KCNJ12: variants seen among roughly 807,000 people sequenced by gnomAD.
KCNJ12 encodes the protein potassium inwardly rectifying channel subfamily J member 12.
Under a neutral mutation model 22.3 loss-of-function variants are expected in KCNJ12, and 2 were observed. The observed-to-expected ratio is 0.09, with a 90% CI of 0.04 to 0.28. The LOEUF (loss-of-function observed/expected upper bound fraction) is 0.28. KCNJ12 is among the 10% of genes least tolerant of loss of function. The pLI is 1.00. For synonymous variants in KCNJ12, 117 were observed against 261.4 expected (o/e 0.45, Z 5.33); for missense variants, 155 against 633.3 (o/e 0.24, Z 8.11).
At chr17:21,411,789 C>T (rs1906363334) in intron 2 of KCNJ12, among the ~76,000 whole-genome samples, 2 of 152,312 alleles carry the variant, frequency 1.3e-5, no homozygotes, top group Non-Finnish European at 2.9e-5. Flanking sequence ...CTGTGTGTCC[C>T]TGGTGGAGGA....
intron 2 of KCNJ12, among the ~76,000 whole-genome samples, chr17:21,409,945 G>A (rs60801692): frequency 6.6e-6 from 1 of 152,094 alleles, no homozygotes; most frequent in Non-Finnish European, 1.5e-5. Context: ...CTGGTGGGGA[G>A]GTTTGGCCTG....
At chr17:21,384,747 T>A (rs1416464534) in intron 1 of KCNJ12, among the ~76,000 whole-genome samples, 1 of 150,892 alleles carries the variant, frequency 6.6e-6, no homozygotes, top group East Asian at 1.9e-4. Context: ...TCACTTTGTT[T>A]TTTTTTTTGT....
intron 1 of KCNJ12, among the ~76,000 whole-genome samples, chr17:21,395,281 C>G (rs1224058670): frequency 9.1e-6 from 1 of 109,318 alleles, no homozygotes; most frequent in Non-Finnish European, 1.7e-5. Context: ...GGCGACACAG[C>G]AAGATCCTAA....
chr17:21,403,139 G>A, intron 1 of KCNJ12, among the ~76,000 whole-genome samples: 1 of 152,312 alleles, frequency 6.6e-6, no homozygotes, highest in Non-Finnish European at 1.5e-5. Flanking sequence ...GAGCTTGGAG[G>A]ATGCATTGCA....
At chr17:21,397,053 A>C (rs1156448249) in intron 1 of KCNJ12, among the ~76,000 whole-genome samples, 1 of 152,182 alleles carries the variant, frequency 6.6e-6, no homozygotes. Context: ...CATATGTGAA[A>C]CAGAGATCCT....
At chr17:21,407,793 A>G (rs1256494114) in intron 1 of KCNJ12, among the ~76,000 whole-genome samples, 4 of 1,374 alleles carry the variant, frequency 2.9e-3, no homozygotes, top group African/African-American at 7.0e-3. Context: ...CCTATTATCC[A>G]TTCATCCACT....
intron 1 of KCNJ12, among the ~76,000 whole-genome samples, chr17:21,388,887 A>C (rs1417929297): frequency 2.0e-5 from 3 of 152,110 alleles, no homozygotes; most frequent in Admixed American, 2.0e-4. Context: ...GAAGGTAGAG[A>C]CATCCTGGGC....
intron 1 of KCNJ12, among the ~76,000 whole-genome samples, chr17:21,396,780 G>C (rs1555559975): frequency 6.6e-6 from 1 of 152,244 alleles, no homozygotes; most frequent in African/African-American, 2.4e-5. Context: ...CCAGCATCCA[G>C]GGGTGGGGCT....
intron 1 of KCNJ12, among the ~76,000 whole-genome samples, chr17:21,392,217 C>T (rs547290327): frequency 2.0e-5 from 3 of 152,356 alleles, no homozygotes; most frequent in Admixed American, 2.0e-4. Context: ...CACAGCACCA[C>T]TGGACCACTG....
intron 1 of KCNJ12, among the ~76,000 whole-genome samples, chr17:21,394,966 T>C (rs1292501614): frequency 1.3e-5 from 2 of 152,180 alleles, no homozygotes; most frequent in African/African-American, 4.8e-5. Flanking sequence ...ATGGGATCCA[T>C]GGGCTGCTTC....
At chr17:21,399,517 A>G (rs1462239593) in intron 1 of KCNJ12, among the ~76,000 whole-genome samples, 1 of 152,176 alleles carries the variant, frequency 6.6e-6, no homozygotes, top group African/African-American at 2.4e-5. Flanking sequence ...TCAGTACAGC[A>G]CAGCAGGGGC....
intron 1 of KCNJ12, among the ~76,000 whole-genome samples, chr17:21,402,920 T>A (rs1905709970): frequency 6.6e-6 from 1 of 152,304 alleles, no homozygotes; most frequent in Non-Finnish European, 1.5e-5. Context: ...CAGCTCTGGC[T>A]CAGACTGGTG....
rs372716742 is a variant in KCNJ12 at position 21,398,551 on chromosome 17, G to A, written c.-178-9968G>A. On this transcript the variant is annotated intron_variant, in intron 1 of 2. Transcript: ENST00000583088. ...AGGCGTGTTCTATGCCCAGGAGGCT[G>A]GAGCCCAGGTATCCTCAGCGGTGAC... Among the ~76,000 whole-genome samples the A allele has an allele frequency of 3.9e-5, 6 of 152,320 alleles. No individual in the cohort carries two copies. The South Asian group carries it at 1.2e-3, about 32-fold the overall frequency.
At chr17:21,400,462 T>C (rs1276994938) in intron 1 of KCNJ12, among the ~76,000 whole-genome samples, 2 of 152,296 alleles carry the variant, frequency 1.3e-5, no homozygotes, top group African/African-American at 2.4e-5. Context: ...AATGTCTGTC[T>C]CCCCCGATCT....
chr17:21,402,735 C>T (rs1448538570), intron 1 of KCNJ12, among the ~76,000 whole-genome samples: 3 of 152,308 alleles, frequency 2.0e-5, no homozygotes, highest in African/African-American at 7.2e-5. Context: ...CTACAGAGAG[C>T]AGACAGGTTA....
chr17:21,405,696 C>T (rs1425875851), intron 1 of KCNJ12, among the ~76,000 whole-genome samples: 3 of 152,300 alleles, frequency 2.0e-5, no homozygotes, highest in Non-Finnish European at 4.4e-5. Context: ...ACTGCCCCTG[C>T]AGCCCACCTC....
intron 1 of KCNJ12, among the ~76,000 whole-genome samples, chr17:21,405,904 C>T (rs1347314984): frequency 6.6e-6 from 1 of 152,310 alleles, no homozygotes; most frequent in Non-Finnish European, 1.5e-5. Flanking sequence ...TCTCAGTACC[C>T]CTGTGTAGAA....
intron 1 of KCNJ12, among the ~76,000 whole-genome samples, chr17:21,382,174 C>T (rs1904891107): frequency 6.6e-6 from 1 of 152,232 alleles, no homozygotes; most frequent in Non-Finnish European, 1.5e-5. Flanking sequence ...ACCCTCACTG[C>T]TTCAAGCTCC....
In KCNJ12 at chr17:21,415,451, C is replaced by G. The variant is rs1567707526; in HGVS notation, c.109C>G (p.His37Asp). The G allele has an allele frequency of 6.2e-7, 1 of 1,613,942 alleles. No homozygotes were observed. The highest frequency in any genetic ancestry group is 8.5e-7 in the Non-Finnish European group (1 of 1,180,056). ...GANGFGNGKVHTRRRCRNRFV... is the reference protein window; with the variant it reads ...GANGFGNGKVDTRRRCRNRFV... Reference sequence around the variant, plus strand: ...CAACGGCTTCGGCAACGGCAAGGTGCACACGCGGCGCAGGTGCCGCAACCG... The same window carrying G: ...CAACGGCTTCGGCAACGGCAAGGTGGACACGCGGCGCAGGTGCCGCAACCG... The change falls in exon 3 of 3, where the codon CAC (histidine) becomes GAC (aspartate). Residue 37 changes from histidine to aspartate, a missense_variant. By Grantham distance (81) the His-to-Asp change is moderately conservative (BLOSUM62 -1). Transcript: ENST00000583088.
Sources: gnomAD v4.1 joint callset for allele counts (sites outside exome capture counted in the v4.1 genomes callset) on GRCh38, gnomAD v4.1.1 for gene constraint, MANE v1.5 for transcripts, NCBI Gene and HGNC (gene_info 2026-07-23, HGNC 2026-07-21) for gene names.